The following DECR1 variants were observed in gnomAD, a reference collection of about 807,000 sequenced individuals.
The protein encoded by DECR1 is 2,4-dienoyl-CoA reductase 1, also known as 2,4-dienoyl-CoA reductase [(3E)-enoyl-CoA-producing], mitochondrial.
A neutral mutation model predicts 38.8 loss-of-function variants in DECR1; 44 were observed. That is an observed-to-expected ratio of 1.13 (90% CI 0.89 to 1.46). DECR1 has a LOEUF of 1.46. DECR1 is among the 40% of genes most tolerant of loss of function. The probability of loss-of-function intolerance (pLI) is 0.00; values close to 1 mark genes in which losing one functional copy is unlikely to be tolerated. For synonymous variants in DECR1, 148 were observed against 135.2 expected, an observed-to-expected ratio of 1.09 and a Z score of -0.66; for missense variants, 428 against 405.5, an observed-to-expected ratio of 1.06 and a Z score of -0.48.
At chr8:90,028,980 C>T (rs559498565) in intron 5 of DECR1, among the ~76,000 whole-genome samples, 2 of 152,122 alleles carry the variant, frequency 1.3e-5, no homozygotes, top group South Asian at 4.1e-4. Flanking sequence ...AGATGAGAAA[C>T]TATGGCTTAT....
Position 90,042,530 on chromosome 8 carries a change from G to T in DECR1, c.666-198G>T. The T allele has an allele frequency of 6.9e-6, 4 of 578,272 alleles. No homozygotes were observed. The South Asian group carries it at 8.3e-5, about 12-fold the overall frequency. The allele number at this position is 578,272 out of a possible 1,614,324, so 35.8% of individuals were successfully genotyped here. On this transcript the variant is annotated intron_variant, in intron 6 of 9. Transcript: ENST00000220764. ...TAGACCTCTTGAGATTGACAAATTG[G>T]CCATATGACATAGAGAAAATGATTT...
intron 8 of DECR1, 65 bp downstream of exon 8, chr8:90,045,060 G>A (rs764664601): frequency 5.9e-6 from 9 of 1,517,996 alleles, no homozygotes; most frequent in Non-Finnish European, 7.3e-6. Context: ...GAGGTCTGTT[G>A]TGGAACCAAT....
At chr8:90,015,576 T>G (rs1408333347) in intron 1 of DECR1, 3 of 448,800 alleles carry the variant, frequency 6.7e-6, no homozygotes, top group South Asian at 4.7e-5. Flanking sequence ...ATTGACCACA[T>G]TTCTTATTCT....
chr8:90,005,349 A>G (rs760609285), intron 1 of DECR1: 8 of 456,224 alleles, frequency 1.8e-5, no homozygotes, highest in South Asian at 1.1e-4. Flanking sequence ...GTCAAGAAGC[A>G]TAGAGTCCAA....
intron 8 of DECR1, among the ~76,000 whole-genome samples, chr8:90,046,058 C>G (rs764176684): frequency 6.6e-6 from 1 of 152,172 alleles, no homozygotes; most frequent in Non-Finnish European, 1.5e-5. Flanking sequence ...AGACCAAAGG[C>G]AGATAAAACC....
At position 90,036,839 on chromosome 8, in the gene DECR1, A is replaced by G. The variant is rs1317700200; in HGVS notation, c.566-2A>G. The G allele has an allele frequency of 5.6e-6, 9 of 1,606,812 alleles. No homozygotes were observed. The highest frequency in any genetic ancestry group is 1.3e-5 in the African/African-American group (1 of 74,726). On this transcript the variant is annotated splice_acceptor_variant, in intron 5 of 9. Transcript: ENST00000220764. LOFTEE classifies it high-confidence loss of function. ...ATCAACTGTATCCTTTTAAAATTTC[A>G]GGAGCAGCATTTCTTTCTATTACTA...
intron 5 of DECR1, among the ~76,000 whole-genome samples, chr8:90,026,972 G>A (rs892314778): frequency 4.6e-5 from 7 of 152,172 alleles, no homozygotes; most frequent in Admixed American, 1.3e-4. Context: ...CTTTCATTTC[G>A]TTATGTACCC....
In DECR1 at chr8:90,052,959, C is replaced by T. The variant is rs1814133060; in HGVS notation, c.*1062C>T. On this transcript the variant is annotated 3_prime_UTR_variant, in exon 10 of 10. Coordinates refer to ENST00000220764, the MANE Select transcript of DECR1 (RefSeq NM_001359.2). ...ACAAGCCCATGGAAACCCCAATTAA[C>T]ATTGACAGTTAATTGTGTACATAAA... Among the ~76,000 whole-genome samples the T allele has an allele frequency of 6.6e-6, 1 of 152,158 alleles. No individual in the cohort carries two copies. Among genetic ancestry groups the T allele is most frequent in the African/African-American group, 2.4e-5 (1 of 41,430 alleles).
At chr8:90,022,697 G>C (rs532608229) in intron 5 of DECR1, among the ~76,000 whole-genome samples, 25 of 151,844 alleles carry the variant, frequency 1.6e-4, no homozygotes, top group Non-Finnish European at 3.7e-4. Context: ...CTCTGCCTCT[G>C]TCAGCTCCTC....
intron 5 of DECR1, among the ~76,000 whole-genome samples, chr8:90,028,393 TG>T (rs1813409187): frequency 6.6e-6 from 1 of 152,154 alleles, no homozygotes. Flanking sequence ...AAATTTTTTT[TG>T]CTTTTCTTGC....
intron 5 of DECR1, among the ~76,000 whole-genome samples, chr8:90,033,792 C>T (rs1347025919): frequency 6.6e-6 from 1 of 152,162 alleles, no homozygotes; most frequent in Non-Finnish European, 1.5e-5. Flanking sequence ...TAACTCCTTT[C>T]CCACACTTGG....
chr8:90,036,071 A>T (rs751566467), intron 5 of DECR1, among the ~76,000 whole-genome samples: 1 of 152,102 alleles, frequency 6.6e-6, no homozygotes, highest in African/African-American at 2.4e-5. Flanking sequence ...CCTGGCCTCA[A>T]TGGAATCTCA....
chr8:90,030,293 G>C (rs1813464949), intron 5 of DECR1, among the ~76,000 whole-genome samples: 2 of 152,190 alleles, frequency 1.3e-5, no homozygotes, highest in South Asian at 4.1e-4. Flanking sequence ...GGGGTGTGGG[G>C]GTCCCCTGCT....
In DECR1 at chr8:90,053,301, C is replaced by T. The variant is rs1814140007; in HGVS notation, c.*1404C>T. ...AGCATGGCTAGGGAGGCCTCACAATCATGGCAGAAGGTGAGTGAGGAGCAA... is the reference window on the plus strand; with the variant it reads ...AGCATGGCTAGGGAGGCCTCACAATTATGGCAGAAGGTGAGTGAGGAGCAA... On this transcript the variant is annotated 3_prime_UTR_variant, in exon 10 of 10. Transcript: ENST00000220764. 6.6e-6 allele frequency among the ~76,000 whole-genome samples: 1 copy of T among 152,210 alleles called. No individual in the cohort carries two copies. Among genetic ancestry groups the T allele is most frequent in the Admixed American group, 6.5e-5 (1 of 15,278 alleles).
chr8:90,009,643 T>C (rs1191047813), intron 1 of DECR1, among the ~76,000 whole-genome samples: 1 of 152,208 alleles, frequency 6.6e-6, no homozygotes, highest in East Asian at 1.9e-4. Context: ...AATACTTTTT[T>C]ATGTAAGCAA....
intron 6 of DECR1, among the ~76,000 whole-genome samples, chr8:90,041,381 C>A (rs1295038525): frequency 6.6e-6 from 1 of 152,004 alleles, no homozygotes; most frequent in Non-Finnish European, 1.5e-5. Flanking sequence ...GGATATTAGC[C>A]ATTTATCAGA....
intron 8 of DECR1, among the ~76,000 whole-genome samples, chr8:90,049,073 A>C (rs902191726): frequency 6.6e-6 from 1 of 152,218 alleles, no homozygotes; most frequent in African/African-American, 2.4e-5. Flanking sequence ...ACAAACCCAC[A>C]GCCAGGGGGC....
chr8:90,031,686 C>CA (rs1813499051), intron 5 of DECR1, among the ~76,000 whole-genome samples: 1 of 151,930 alleles, frequency 6.6e-6, no homozygotes, highest in African/African-American at 2.4e-5. Flanking sequence ...ATCAAAAAGA[C>CA]AGAGAAGTTT....
chr8:90,008,530 T>C (rs1364270579), intron 1 of DECR1, among the ~76,000 whole-genome samples: 4 of 151,980 alleles, frequency 2.6e-5, no homozygotes, highest in Non-Finnish European at 5.9e-5. Context: ...GGTAGAAAAA[T>C]CTCTCTCAGT....
Sources: gnomAD v4.1 joint callset for allele counts (sites outside exome capture counted in the v4.1 genomes callset) on GRCh38, gnomAD v4.1.1 for gene constraint, MANE v1.5 for transcripts, NCBI Gene and HGNC (gene_info 2026-07-23, HGNC 2026-07-21) for gene names.